Variants in LRBA observed in about 807,000 individuals in gnomAD.
LRBA encodes the protein lipopolysaccharide-responsive and beige-like anchor protein.
In LRBA, 176 loss-of-function variants were observed where a neutral mutation model predicts 330.0. The ratio of observed to expected loss-of-function variants is 0.53; its 90% CI spans 0.47 to 0.60. The LOEUF (loss-of-function observed/expected upper bound fraction) is 0.60. LRBA is among the 20% of genes least tolerant of loss of function. The probability of loss-of-function intolerance (pLI) is 0.00; values close to 1 mark genes in which losing one functional copy is unlikely to be tolerated. For synonymous variants in LRBA, 1,230 were observed against 1,193.0 expected (o/e 1.03, Z -0.64); for missense variants, 3,259 against 3,444.8 (o/e 0.95, Z 1.35).
chr4:151,015,630 G>A (rs936290505), upstream of LRBA: 1 of 152,362 alleles, frequency 6.6e-6, no homozygotes, highest in African/African-American at 2.4e-5. Flanking sequence ...GCTGCGAGTG[G>A]TGAGGATGCT....
At chr4:150,770,693 A>G (rs947449396) in intron 34 of LRBA, among the ~76,000 whole-genome samples, 9 of 152,062 alleles carry the variant, frequency 5.9e-5, no homozygotes, top group African/African-American at 2.2e-4. Flanking sequence ...CACAGTTGGT[A>G]TCTACAACTA....
At chr4:150,806,513 T>A in intron 32 of LRBA, 109 bp from the exon 33 acceptor site, 1 of 614,044 alleles carries the variant, frequency 1.6e-6, no homozygotes, top group Non-Finnish European at 2.3e-6. Context: ...TTTAAAAAAA[T>A]TAAAAATCAC....
chr4:150,571,434 A>T (rs557538471), intron 40 of LRBA, among the ~76,000 whole-genome samples: 6 of 152,098 alleles, frequency 3.9e-5, no homozygotes, highest in African/African-American at 1.2e-4. Context: ...AATTCAAGGA[A>T]TCCAAATAAA....
At chr4:150,355,904 C>A (rs1470316856) in intron 47 of LRBA, among the ~76,000 whole-genome samples, 2 of 151,992 alleles carry the variant, frequency 1.3e-5, no homozygotes, top group Non-Finnish European at 2.9e-5. Context: ...AAGTATTTTT[C>A]ATTTTAAATC....
intron 2 of LRBA, among the ~76,000 whole-genome samples, chr4:150,978,565 G>A (rs1013357340): frequency 2.0e-5 from 3 of 152,170 alleles, no homozygotes; most frequent in Non-Finnish European, 4.4e-5. Flanking sequence ...TGGAGAAACA[G>A]AGATATGTGG....
intron 40 of LRBA, among the ~76,000 whole-genome samples, chr4:150,559,894 ATTAT>A (rs1768045764): frequency 2.1e-4 from 10 of 48,246 alleles, no homozygotes; most frequent in African/African-American, 6.5e-4. Flanking sequence ...ATTATATATA[ATTAT>A]ATATAATTAT....
At chr4:150,746,433 A>G (rs958938424) in intron 35 of LRBA, among the ~76,000 whole-genome samples, 3 of 152,002 alleles carry the variant, frequency 2.0e-5, no homozygotes, top group African/African-American at 7.2e-5. Context: ...TTCCTTCTTC[A>G]TCATCCTACA....
At chr4:150,905,134 T>C (rs191097260) in intron 13 of LRBA, among the ~76,000 whole-genome samples, 2 of 152,304 alleles carry the variant, frequency 1.3e-5, no homozygotes, top group African/African-American at 4.8e-5. Context: ...ATTTTGTTCA[T>C]ATACCTTACC....
Position 150,321,127 on chromosome 4 carries a change from T to G in LRBA, c.7630+64A>C. ...AGCTTAAATGTTGAGATATGCTATA[T>G]TTAAGTGGGTATTACACAGTGTTCA... On this transcript the variant is annotated intron_variant, in intron 50 of 56. Transcript: ENST00000651943. This position sits in a 1 kb window ranked among gnomAD's most constrained non-coding sequence, Gnocchi z 4.5. 7.5e-7 allele frequency: 1 copy of G among 1,334,160 alleles called. No homozygotes were observed. Among genetic ancestry groups the G allele is most frequent in the Non-Finnish European group, 1.0e-6 (1 of 967,564 alleles). 82.6% of individuals were successfully genotyped at this position (1,334,160 alleles called of 1,614,324 possible).
intron 40 of LRBA, among the ~76,000 whole-genome samples, chr4:150,559,050 C>T (rs1767704417): frequency 6.6e-6 from 1 of 152,136 alleles, no homozygotes. Flanking sequence ...CTCAGACAGA[C>T]ATATCACTTA....
rs151034609 is a variant in LRBA, at chr4:150,711,156, C to A, written c.5754+24102G>T. 9.5e-3 allele frequency among the ~76,000 whole-genome samples: 1,444 copies of A among 152,014 alleles called. 15 individuals are homozygous for A. Among genetic ancestry groups the A allele is most frequent in the Non-Finnish European group, 0.014 (935 of 67,988 alleles). Reference sequence around the variant, plus strand: ...AGTGATATTTGTATGCACAGAGAGACCCTTTTGTGGTTAAAAATCACAGGT... The same window carrying A: ...AGTGATATTTGTATGCACAGAGAGAACCTTTTGTGGTTAAAAATCACAGGT... On this transcript the variant is annotated intron_variant, in intron 36 of 56. Coordinates refer to ENST00000651943, the MANE Select transcript of LRBA (RefSeq NM_001364905.1).
At position 150,455,172 on chromosome 4, in the gene LRBA, T is replaced by A. The variant is rs1396346255; in HGVS notation, c.6780+12501A>T. 2.8e-5 allele frequency among the ~76,000 whole-genome samples: 4 copies of A among 143,286 alleles called. No homozygotes were observed. In the East Asian group the frequency reaches 9.2e-4, roughly 33 times the overall value. 94.0% of individuals were successfully genotyped at this position (143,286 alleles called of 152,430 possible). On this transcript the variant is annotated intron_variant, in intron 44 of 56. Coordinates refer to ENST00000651943, the MANE Select transcript of LRBA (RefSeq NM_001364905.1). ...CCAGAGTGTGATATTCCCCTTCCTG[T>A]GTCCATGTGATCTCATTGTTCAATT...
chr4:150,598,321 T>C (rs1460506205), intron 38 of LRBA, among the ~76,000 whole-genome samples: 1 of 152,140 alleles, frequency 6.6e-6, no homozygotes, highest in African/African-American at 2.4e-5. Context: ...TAAAAATTTA[T>C]AGTATCAAAT....
intron 37 of LRBA, among the ~76,000 whole-genome samples, chr4:150,651,129 A>C (rs1169534619): frequency 6.6e-6 from 1 of 152,170 alleles, no homozygotes; most frequent in African/African-American, 2.4e-5. Flanking sequence ...TAATTATTAT[A>C]CTGTAAAGCA....
intron 17 of LRBA, among the ~76,000 whole-genome samples, chr4:150,878,751 A>G (rs962115167): frequency 2.0e-5 from 3 of 152,174 alleles, no homozygotes; most frequent in African/African-American, 7.2e-5. Flanking sequence ...GAAATGGATA[A>G]ATTCATAGAA....
At chr4:150,379,303 C>CAAA (rs10634420) in intron 47 of LRBA, among the ~76,000 whole-genome samples, 961 of 59,264 alleles carry the variant, frequency 0.016, 57 homozygotes, top group Admixed American at 0.033. Flanking sequence ...AACTCTAGCT[C>CAAA]AAAAAAAAAA....
intron 2 of LRBA, among the ~76,000 whole-genome samples, chr4:150,941,298 G>A (rs554715153): frequency 2.3e-4 from 35 of 151,974 alleles, no homozygotes; most frequent in African/African-American, 7.0e-4. Context: ...GATTACAGGC[G>A]CCCACCAACA....
chr4:150,955,524 AG>A lies in LRBA; in HGVS notation c.217-26460del, dbSNP rs987122961. ...GTCTAGCTACTCAGGAGGCTGACGC[AG>A]GAAGATTGCTTGAGCCCAGGAGTTC... On this transcript the variant is annotated intron_variant, in intron 2 of 56. Coordinates refer to ENST00000651943, the MANE Select transcript of LRBA (RefSeq NM_001364905.1). Among the ~76,000 whole-genome samples the A allele has an allele frequency of 2.3e-4, 35 of 149,072 alleles. 4 individuals are homozygous for A. The highest frequency in any genetic ancestry group is 3.4e-3 in the Middle Eastern group (1 of 294).
chr4:150,981,203 G>A (rs914616524), intron 2 of LRBA, among the ~76,000 whole-genome samples: 8 of 151,356 alleles, frequency 5.3e-5, no homozygotes, highest in Non-Finnish European at 7.4e-5. Flanking sequence ...CACAAGGTCC[G>A]AAGTTCGAGA....
Sources: gnomAD v4.1 joint callset for allele counts (sites outside exome capture counted in the v4.1 genomes callset) on GRCh38, gnomAD v4.1.1 for gene constraint, Gnocchi (gnomAD v3.1) non-coding constraint, MANE v1.5 for transcripts, NCBI Gene and HGNC (gene_info 2026-07-23, HGNC 2026-07-21) for gene names.